GSK3B: variants seen among roughly 807,000 people sequenced by gnomAD.
GSK3B encodes glycogen synthase kinase 3 beta.
A neutral mutation model predicts 56.4 loss-of-function variants in GSK3B; 15 were observed. The observed-to-expected ratio is 0.27, with a 90% CI of 0.18 to 0.41. GSK3B has a LOEUF of 0.41. Among genes scored for constraint, GSK3B ranks in the 10% least tolerant of loss-of-function variants. The pLI is 1.00. For missense variants in GSK3B, 300 were observed against 513.4 expected, an observed-to-expected ratio of 0.58 and a Z score of 4.02; for synonymous variants, 181 against 188.9, an observed-to-expected ratio of 0.96 and a Z score of 0.34.
At chr3:119,943,862 A>G (rs2057073638) in intron 3 of GSK3B, among the ~76,000 whole-genome samples, 1 of 151,296 alleles carries the variant, frequency 6.6e-6, no homozygotes, top group Non-Finnish European at 1.5e-5. Context: ...AAATCCAAAA[A>G]GGGGGTGACA....
intron 2 of GSK3B, among the ~76,000 whole-genome samples, chr3:119,955,188 T>C (rs977604075): frequency 6.6e-6 from 1 of 150,836 alleles, no homozygotes; most frequent in Non-Finnish European, 1.5e-5. Flanking sequence ...CATCTCTAAA[T>C]CTTTGATTTC....
chr3:119,869,205 C>G (rs1397222523), intron 8 of GSK3B, among the ~76,000 whole-genome samples: 3 of 85,624 alleles, frequency 3.5e-5, no homozygotes, highest in Non-Finnish European at 2.0e-5. Flanking sequence ...GCCTGGGCAA[C>G]AGATCAAGAT....
intron 2 of GSK3B, among the ~76,000 whole-genome samples, chr3:119,996,209 A>T (rs2057616106): frequency 6.6e-6 from 1 of 152,262 alleles, no homozygotes; most frequent in Non-Finnish European, 1.5e-5. Flanking sequence ...ACACAATCCT[A>T]GCATAGGCTA....
intron 7 of GSK3B, among the ~76,000 whole-genome samples, chr3:119,895,936 G>GGGCAACATGGTGAAAACCT (rs901778636): frequency 2.0e-5 from 3 of 151,906 alleles, no homozygotes; most frequent in African/African-American, 7.3e-5. Flanking sequence ...AGATCAGCCT[G>GGGCAACATGGTGAAAACCT]GGCAACATGG....
chr3:119,901,778 G>C (rs1049586480), intron 7 of GSK3B, among the ~76,000 whole-genome samples: 4 of 151,962 alleles, frequency 2.6e-5, no homozygotes, highest in Admixed American at 2.6e-4. Context: ...ATAAAAAAAA[G>C]TCCCTGCTCA....
chr3:120,035,905 T>C (rs143931396), intron 1 of GSK3B, among the ~76,000 whole-genome samples: 169 of 152,358 alleles, frequency 1.1e-3, no homozygotes, highest in African/African-American at 4.0e-3. Context: ...GATGTTTCTA[T>C]AAATATCTGC....
At chr3:119,904,459 T>C (rs148414213) in intron 7 of GSK3B, among the ~76,000 whole-genome samples, 238 of 152,202 alleles carry the variant, frequency 1.6e-3, no homozygotes, top group Middle Eastern at 3.4e-3. Context: ...AAGCTGCAAA[T>C]TGTAAGAAAT....
rs184903471 is a variant in GSK3B at position 119,863,867 on chromosome 3, A to G, written c.910-262T>C. On this transcript the variant is annotated intron_variant, in intron 8 of 10. Coordinates refer to ENST00000264235, the MANE Select transcript of GSK3B (RefSeq NM_001146156.2). Reference sequence around the variant, plus strand: ...CAATCAGACATGCATACAAAATATGACAGGCACATGGGAAAGGCTGAGTTC... The same window carrying G: ...CAATCAGACATGCATACAAAATATGGCAGGCACATGGGAAAGGCTGAGTTC... Among the ~76,000 whole-genome samples, 7 of 152,342 alleles carry G rather than the reference A, an allele frequency of 4.6e-5. No homozygotes were observed. The East Asian group carries it at 1.3e-3, about 29-fold the overall frequency.
intron 1 of GSK3B, among the ~76,000 whole-genome samples, chr3:120,045,122 C>T (rs888123791): frequency 6.6e-6 from 1 of 152,194 alleles, no homozygotes; most frequent in Admixed American, 6.5e-5. Context: ...TCTCCCTTAG[C>T]TCTCCTCCAC....
At chr3:119,852,192 T>C (rs919936185) in intron 9 of GSK3B, among the ~76,000 whole-genome samples, 1 of 152,206 alleles carries the variant, frequency 6.6e-6, no homozygotes, top group African/African-American at 2.4e-5. Context: ...AAAGCCATGA[T>C]GACTTTGGGA....
chr3:120,028,171 G>A (rs2057943688), intron 1 of GSK3B, among the ~76,000 whole-genome samples: 1 of 151,608 alleles, frequency 6.6e-6, no homozygotes, highest in African/African-American at 2.4e-5. Flanking sequence ...GACTGACTGG[G>A]ATGTGTGTTT....
At chr3:119,970,834 A>C (rs1226621791) in intron 2 of GSK3B, among the ~76,000 whole-genome samples, 1 of 151,802 alleles carries the variant, frequency 6.6e-6, no homozygotes, top group Non-Finnish European at 1.5e-5. Flanking sequence ...AAAAACAAAA[A>C]CAATCATCAC....
intron 7 of GSK3B, among the ~76,000 whole-genome samples, chr3:119,877,174 A>AT (rs2056324093): frequency 1.3e-5 from 2 of 152,160 alleles, no homozygotes; most frequent in African/African-American, 4.8e-5. Flanking sequence ...TAAAAATCAG[A>AT]TATCTTTATC....
intron 6 of GSK3B, among the ~76,000 whole-genome samples, chr3:119,907,070 G>C (rs2056689661): frequency 6.6e-6 from 1 of 152,060 alleles, no homozygotes; most frequent in Admixed American, 6.6e-5. Context: ...AAACTTGTTA[G>C]GGAATCTTTA....
chr3:119,910,562 T>A (rs2056725817), intron 6 of GSK3B, among the ~76,000 whole-genome samples: 1 of 152,240 alleles, frequency 6.6e-6, no homozygotes, highest in Admixed American at 6.5e-5. Context: ...TGTCGATGGC[T>A]GCTGACTGAT....
intron 1 of GSK3B, among the ~76,000 whole-genome samples, chr3:120,062,904 T>C (rs1304487996): frequency 6.6e-6 from 1 of 152,162 alleles, no homozygotes; most frequent in East Asian, 1.9e-4. Flanking sequence ...TTCTGGACTT[T>C]AGAGCAGATT....
intron 7 of GSK3B, among the ~76,000 whole-genome samples, chr3:119,883,759 TC>T (rs1359792619): frequency 6.6e-6 from 1 of 152,110 alleles, no homozygotes; most frequent in African/African-American, 2.4e-5. Context: ...GTAATTTAAA[TC>T]TTATCAGTGG....
At position 120,080,473 on chromosome 3, in the gene GSK3B, A is replaced by T. The variant is rs556750264; in HGVS notation, c.88+12874T>A. Among the ~76,000 whole-genome samples the T allele has an allele frequency of 1.2e-4, 18 of 152,294 alleles. No individual in the cohort carries two copies. In the South Asian group the frequency reaches 3.7e-3, roughly 32 times the overall value. On this transcript the variant is annotated intron_variant, in intron 1 of 10. Coordinates refer to ENST00000264235, the MANE Select transcript of GSK3B (RefSeq NM_001146156.2). ...CTCACCCTCTCTGGGAAAGCTCTAGAACTGACATACTAACATATCAAACAA... is the reference window on the plus strand; with the variant it reads ...CTCACCCTCTCTGGGAAAGCTCTAGTACTGACATACTAACATATCAAACAA...
chr3:119,851,605 T>C (rs919254048), intron 9 of GSK3B, among the ~76,000 whole-genome samples: 2 of 152,208 alleles, frequency 1.3e-5, no homozygotes, highest in Non-Finnish European at 2.9e-5. Flanking sequence ...CTTACAGTGA[T>C]GTAATAAAAT....
Sources: allele counts gnomAD v4.1 joint callset (sites outside exome capture counted in the v4.1 genomes callset), GRCh38; gene constraint gnomAD v4.1.1; transcripts MANE v1.5; gene names NCBI Gene and HGNC (gene_info 2026-07-23, HGNC 2026-07-21).